The following TK1 variants were observed in gnomAD, a reference collection of about 807,000 sequenced individuals.
The protein encoded by TK1 is thymidine kinase, cytosolic.
Under a neutral mutation model 22.4 loss-of-function variants are expected in TK1, and 13 were observed. The observed-to-expected ratio is 0.58, with a 90% CI of 0.38 to 0.92. The LOEUF (loss-of-function observed/expected upper bound fraction) is 0.92. Among genes scored for constraint, TK1 ranks in the 40% least tolerant of loss-of-function variants. The pLI is 0.00. For synonymous variants in TK1, 134 were observed against 125.4 expected, an observed-to-expected ratio of 1.07 and a Z score of -0.46; for missense variants, 251 against 315.7, an observed-to-expected ratio of 0.80 and a Z score of 1.55.
rs779826835 is a variant in TK1, at chr17:78,182,549, A to T, written c.303+40T>A. Reference sequence around the variant, plus strand: ...GAGGGAAAACGGGAGGACAGAGCGGAAGCTGGCAGGAAGAGTGATGCCAAG... The same window carrying T: ...GAGGGAAAACGGGAGGACAGAGCGGTAGCTGGCAGGAAGAGTGATGCCAAG... On this transcript the variant is annotated intron_variant, in intron 4 of 6. Coordinates refer to ENST00000301634, the MANE Select transcript of TK1 (RefSeq NM_003258.5). 3.4e-6 allele frequency: 5 copies of T among 1,483,352 alleles called. No homozygotes were observed. The South Asian group carries it at 6.2e-5, about 18-fold the overall frequency. The allele number at this position is 1,483,352 out of a possible 1,614,324, so 91.9% of individuals were successfully genotyped here.
chr17:78,179,632 G>T, intron 4 of TK1: 4 of 985,466 alleles, frequency 4.1e-6, no homozygotes, highest in Non-Finnish European at 4.8e-6. Flanking sequence ...GGCAGGACTG[G>T]CCTTTTGAGG....
At chr17:78,185,215 G>T in intron 2 of TK1, 50 bp from the exon 3 acceptor site, 1 of 1,431,322 alleles carries the variant, frequency 7.0e-7, no homozygotes, top group South Asian at 1.2e-5. Context: ...AGGAGTGGGA[G>T]AAGGAGACCC....
chr17:78,186,543 G>A (rs909877676), intron 2 of TK1, among the ~76,000 whole-genome samples: 2 of 151,880 alleles, frequency 1.3e-5, no homozygotes, highest in African/African-American at 4.8e-5. Flanking sequence ...AGGGAGTGGC[G>A]TCCACACAGG....
At chr17:78,177,539 T>C (rs981859433) in intron 4 of TK1, among the ~76,000 whole-genome samples, 2 of 152,216 alleles carry the variant, frequency 1.3e-5, no homozygotes, top group African/African-American at 4.8e-5. Context: ...CAACCTGTAT[T>C]ACTTGTGTAG....
chr17:78,175,001 G>T, intron 6 of TK1, 49 bp downstream of exon 6: 1 of 1,610,332 alleles, frequency 6.2e-7, no homozygotes, highest in Non-Finnish European at 8.5e-7. Flanking sequence ...GAAGGAGGCA[G>T]AGCCATACCC....
chr17:78,174,855 T>C lies in TK1; in HGVS notation c.609A>G (p.Lys203=), dbSNP rs781625130. The stretch of plus-strand genomic sequence containing the variant: ...GCTTTCCTGGCACTGGGCAGTTCTC[T>C]TTGTTGTCCGGCCCGGCAGGCTGGC... ...ASGQPAGPDN[K]ENCPVPGKPG... The change falls in exon 7 of 7, where the codon AAA becomes AAG. Residue 203 remains lysine, a synonymous_variant. Coordinates refer to ENST00000301634, the MANE Select transcript of TK1 (RefSeq NM_003258.5). 1.2e-6 allele frequency: 2 copies of C among 1,613,814 alleles called. No homozygotes were observed. The highest frequency in any genetic ancestry group is 1.1e-5 in the South Asian group (1 of 91,030).
At chr17:78,182,770 C>A (rs1416226648) in intron 3 of TK1, 88 bp from the exon 4 acceptor site, 13 of 948,808 alleles carry the variant, frequency 1.4e-5, no homozygotes, top group Admixed American at 3.1e-5. Context: ...TCGTGACCAC[C>A]TGCTACCTGC....
intron 3 of TK1, among the ~76,000 whole-genome samples, chr17:78,184,702 G>A: frequency 6.6e-6 from 1 of 152,144 alleles, no homozygotes; most frequent in East Asian, 1.9e-4. Context: ...GGGCCAGCTC[G>A]TTCTTGCATG....
chr17:78,174,614 C>T lies in TK1; in HGVS notation c.*145G>A. The T allele has an allele frequency of 1.1e-6, 1 of 897,454 alleles. No homozygotes were observed. Among genetic ancestry groups the T allele is most frequent in the Non-Finnish European group, 1.6e-6 (1 of 609,038 alleles). The allele number at this position is 897,454 out of a possible 1,614,324, so 55.6% of individuals were successfully genotyped here. ...AGGGAGCATGCGGCAGGTGGGGCAG[C>T]CACACAAAGGAGAGTTCCCAGAAGG... On this transcript the variant is annotated 3_prime_UTR_variant, in exon 7 of 7. Transcript: ENST00000301634.
chr17:78,186,718 G>A (rs2075803949), intron 2 of TK1, 69 bp downstream of exon 2: 2 of 1,439,958 alleles, frequency 1.4e-6, no homozygotes, highest in East Asian at 2.5e-5. Flanking sequence ...GGAAGGGGAG[G>A]GGAGGGACGG....
rs1188175708 is a variant in TK1, at chr17:78,175,234, C to T, written c.394-65G>A. On this transcript the variant is annotated intron_variant, in intron 5 of 6. Transcript: ENST00000301634. ...TACCAGGTGGGTTTTTCTTTTAAAC[C>T]CTCTGATTCACAAGCACTGAAGCCA... 2 of 1,445,330 alleles carry T rather than the reference C, an allele frequency of 1.4e-6. 1 individual carries two copies. 89.5% of individuals were successfully genotyped at this position (1,445,330 alleles called of 1,614,324 possible).
chr17:78,175,851 C>T (rs997845262), intron 4 of TK1, among the ~76,000 whole-genome samples: 1 of 152,234 alleles, frequency 6.6e-6, no homozygotes, highest in Non-Finnish European at 1.5e-5. Context: ...GCCAGCTTCC[C>T]TCCGAGTCCA....
chr17:78,187,086 C>A (rs1054351878), upstream of TK1: 1 of 1,380,730 alleles, frequency 7.2e-7, no homozygotes, highest in Non-Finnish European at 1.0e-6. Context: ...TAAACCACGG[C>A]GTGCTGGCCA....
intron 3 of TK1, 80 bp from the exon 4 acceptor site, chr17:78,182,762 G>C: frequency 9.5e-7 from 1 of 1,050,666 alleles, no homozygotes; most frequent in Middle Eastern, 2.6e-4. Context: ...TGGCACTGTC[G>C]TGACCACCTG....
At chr17:78,178,677 G>C (rs547680807) in intron 4 of TK1, among the ~76,000 whole-genome samples, 7 of 152,282 alleles carry the variant, frequency 4.6e-5, no homozygotes, top group Admixed American at 2.0e-4. Flanking sequence ...TTTTGCTCTT[G>C]TTGTTGCCCA....
intron 4 of TK1, chr17:78,179,710 G>A: frequency 3.0e-6 from 3 of 985,458 alleles, no homozygotes; most frequent in South Asian, 4.7e-5. Flanking sequence ...CTGGGAGGCA[G>A]GGCGGGTAGA....
intron 2 of TK1, 87 bp downstream of exon 2, chr17:78,186,696 AGGGG>A: frequency 1.3e-6 from 1 of 775,102 alleles, no homozygotes. Context: ...AGGGGAGGGG[AGGGG>A]AGGGGAGGGA....
At chr17:78,179,256 C>T in intron 4 of TK1, 1 of 985,376 alleles carries the variant, frequency 1.0e-6, no homozygotes, top group Non-Finnish European at 1.2e-6. Context: ...ATGCAAAATC[C>T]CTGGATGCAT....
chr17:78,180,192 A>T (rs1304848831), intron 4 of TK1, among the ~76,000 whole-genome samples: 1 of 152,164 alleles, frequency 6.6e-6, no homozygotes. Flanking sequence ...GGCCCATGAA[A>T]ACCTCACACC....
Sources: allele counts gnomAD v4.1 joint callset (sites outside exome capture counted in the v4.1 genomes callset), GRCh38; gene constraint gnomAD v4.1.1; transcripts MANE v1.5; gene names NCBI Gene and HGNC (gene_info 2026-07-23, HGNC 2026-07-21).